The following BEND3 variants were observed in gnomAD, a reference collection of about 807,000 sequenced individuals.
BEND3 encodes BEN domain-containing protein 3.
BEND3 carries 13 observed loss-of-function variants against 60.1 expected under a neutral mutation model. That is an observed-to-expected ratio of 0.22 (90% confidence interval 0.14 to 0.34). BEND3 has a LOEUF of 0.34. BEND3 is among the 10% of genes least tolerant of loss of function. BEND3 has a pLI of 1.00. For synonymous variants in BEND3, 497 were observed against 491.5 expected (o/e 1.01, Z -0.15); for missense variants, 896 against 1,138.1 (o/e 0.79, Z 3.06).
At chr6:107,097,106 C>A (rs1775600945) in intron 3 of BEND3, among the ~76,000 whole-genome samples, 1 of 152,158 alleles carries the variant, frequency 6.6e-6, no homozygotes, top group Admixed American at 6.5e-5. Flanking sequence ...GTGGCTCACA[C>A]CTGTAATCCG....
intron 2 of BEND3, 106 bp downstream of exon 2, chr6:107,099,143 G>T (rs1221912611): frequency 2.2e-6 from 2 of 894,866 alleles, no homozygotes; most frequent in Non-Finnish European, 3.6e-6. Flanking sequence ...GGGTGGAGGG[G>T]ACTTTTCACT....
intron 3 of BEND3, among the ~76,000 whole-genome samples, chr6:107,085,755 T>C (rs1441647885): frequency 6.7e-6 from 1 of 149,538 alleles, no homozygotes; most frequent in Non-Finnish European, 1.5e-5. Context: ...CCTCCCAAAG[T>C]GCTGGGATTA....
chr6:107,069,879 C>G lies in BEND3; in HGVS notation c.1312G>C (p.Gly438Arg). ...TGCGGGTCCAGCTCCTGCTTTCCACCGTCCCCGTAGCAGCTGTACTGTTCA... is the reference window on the plus strand; with the variant it reads ...TGCGGGTCCAGCTCCTGCTTTCCACGGTCCCCGTAGCAGCTGTACTGTTCA... ...LGEQYSCYGD[G>R]GKQELDPQRL... Residue 438 changes from glycine to arginine, a missense_variant, in exon 4 of 4, where the codon GGT becomes CGT. Coordinates refer to ENST00000369042, the MANE Select transcript of BEND3 (RefSeq NM_001367314.1). The G allele has an allele frequency of 6.2e-7, 1 of 1,613,786 alleles. No individual in the cohort carries two copies. Among genetic ancestry groups the G allele is most frequent in the African/African-American group, 1.3e-5 (1 of 75,014 alleles).
Position 107,099,389 on chromosome 6 carries a change from C to T in BEND3, c.-11-93G>A. The T allele has an allele frequency of 4.6e-6, 5 of 1,089,710 alleles. No individual in the cohort carries two copies. In the Admixed American group the frequency reaches 9.2e-5, roughly 20 times the overall value. The allele number at this position is 1,089,710 out of a possible 1,614,324, so 67.5% of individuals were successfully genotyped here. A position where few individuals can be genotyped will look rare whatever the true frequency, so the allele number is the denominator to read the frequency against. ...CAGAAAATCCTCTTACCCTCCCAAC[C>T]CCAGCTCTAGGTAACAGAGCAGCAC... On this transcript the variant is annotated intron_variant, in intron 1 of 3. Transcript: ENST00000369042.
intron 3 of BEND3, among the ~76,000 whole-genome samples, chr6:107,082,667 G>A (rs1166240865): frequency 5.3e-5 from 8 of 152,158 alleles, no homozygotes; most frequent in African/African-American, 1.2e-4. Context: ...GACCTCAGGT[G>A]ATCCGCTTGC....
chr6:107,071,390 G>GATTC (rs10684852), intron 3 of BEND3, among the ~76,000 whole-genome samples: 27,493 of 152,144 alleles, frequency 0.18, 2,988 homozygotes, highest in Non-Finnish European at 0.25. Flanking sequence ...AAGGGACAGA[G>GATTC]ATTCCTACCT....
chr6:107,112,933 C>T (rs927918082), intron 1 of BEND3, among the ~76,000 whole-genome samples: 8 of 149,962 alleles, frequency 5.3e-5, no homozygotes, highest in Non-Finnish European at 1.2e-4. Context: ...CCAAGGTGAG[C>T]GGATCATGAG....
intron 3 of BEND3, among the ~76,000 whole-genome samples, chr6:107,088,738 A>C (rs189201562): frequency 7.7e-4 from 117 of 152,382 alleles, no homozygotes; most frequent in African/African-American, 2.4e-3. Flanking sequence ...AACAACATAC[A>C]AAAACCAGGA....
intron 3 of BEND3, among the ~76,000 whole-genome samples, chr6:107,091,631 T>C (rs1775476557): frequency 6.6e-6 from 1 of 152,194 alleles, no homozygotes; most frequent in African/African-American, 2.4e-5. Context: ...AATAGGGCTA[T>C]ATCTATTAAA....
chr6:107,109,405 T>C (rs1775891368), intron 1 of BEND3, among the ~76,000 whole-genome samples: 1 of 123,262 alleles, frequency 8.1e-6, no homozygotes, highest in South Asian at 2.7e-4. Flanking sequence ...ATAGTGCCGT[T>C]GCACTCCAGC....
At chr6:107,097,268 G>A (rs538374278) in intron 3 of BEND3, among the ~76,000 whole-genome samples, 3 of 152,054 alleles carry the variant, frequency 2.0e-5, no homozygotes, top group Admixed American at 6.5e-5. Flanking sequence ...TCGGGAGGCT[G>A]AGGCAGGAGA....
chr6:107,088,538 A>C (rs1554234674), intron 3 of BEND3, among the ~76,000 whole-genome samples: 1 of 152,166 alleles, frequency 6.6e-6, no homozygotes, highest in Non-Finnish European at 1.5e-5. Context: ...AATCCACTAT[A>C]CCTAGGCATA....
chr6:107,086,353 A>C (rs1365510542), intron 3 of BEND3, among the ~76,000 whole-genome samples: 1 of 151,920 alleles, frequency 6.6e-6, no homozygotes. Flanking sequence ...GGCCAGGCGC[A>C]TGTTGGTAAT....
chr6:107,079,285 T>A (rs1618476), intron 3 of BEND3, among the ~76,000 whole-genome samples: 47,632 of 151,992 alleles, frequency 0.31, 7,701 homozygotes, highest in Admixed American at 0.39. Flanking sequence ...CCCCATCTGC[T>A]GAGAGCTACT....
intron 1 of BEND3, among the ~76,000 whole-genome samples, chr6:107,108,693 C>A (rs1431047856): frequency 6.6e-6 from 1 of 152,130 alleles, no homozygotes; most frequent in African/African-American, 2.4e-5. Flanking sequence ...ATGACTTATT[C>A]AATTGAGCAA....
At chr6:107,085,149 T>A (rs1775316323) in intron 3 of BEND3, among the ~76,000 whole-genome samples, 1 of 151,772 alleles carries the variant, frequency 6.6e-6, no homozygotes, top group African/African-American at 2.4e-5. Context: ...ACTGCGAAGG[T>A]CTGCGGCTTC....
chr6:107,095,927 T>A (rs1448674603), intron 3 of BEND3, among the ~76,000 whole-genome samples: 1 of 152,170 alleles, frequency 6.6e-6, no homozygotes, highest in Admixed American at 6.6e-5. Flanking sequence ...AACAGATTTT[T>A]AGGACAGCAA....
Position 107,069,309 on chromosome 6 carries a change from C to G in BEND3, c.1882G>C (p.Asp628His). The stretch of plus-strand genomic sequence containing the variant: ...ACGAACTCCAGGGTCCAGACGCGGT[C>G]GTTTTTGGCGCGTGGGTAGAGCAGC... ...VQLLYPRAKN[D>H]RVWTLEFVGK... The change falls in exon 4 of 4, where the codon GAC (aspartate) becomes CAC (histidine). Residue 628 changes from aspartate to histidine, a missense_variant. Physicochemically the swap from Asp to His is moderately conservative, Grantham distance 81 (BLOSUM62 -1). This residue lies in a region of BEND3 where 846 missense variants were observed against 1,036.7 expected (regional missense o/e 0.82). Transcript: ENST00000369042. 6.2e-7 allele frequency: 1 copy of G among 1,613,324 alleles called. No individual in the cohort carries two copies. The highest frequency in any genetic ancestry group is 1.1e-5 in the South Asian group (1 of 90,978).
intron 1 of BEND3, among the ~76,000 whole-genome samples, chr6:107,109,057 C>T (rs1161463893): frequency 6.6e-6 from 1 of 152,082 alleles, no homozygotes; most frequent in Non-Finnish European, 1.5e-5. Flanking sequence ...CCACCCGCCT[C>T]AGCCTCCTAA....
Sources: gnomAD v4.1 joint callset for allele counts (sites outside exome capture counted in the v4.1 genomes callset) on GRCh38, gnomAD v4.1.1 for gene constraint, gnomAD v4.1.1 regional missense constraint, MANE v1.5 for transcripts, NCBI Gene and HGNC (gene_info 2026-07-23, HGNC 2026-07-21) for gene names.